Variants in TRPM3 observed in about 807,000 individuals in gnomAD.
TRPM3 encodes the protein transient receptor potential cation channel subfamily M member 3, also known as long transient receptor potential channel 3.
A neutral mutation model predicts 181.2 loss-of-function variants in TRPM3; 77 were observed. The ratio of observed to expected loss-of-function variants is 0.42; its 90% confidence interval spans 0.35 to 0.51. TRPM3 has a LOEUF of 0.51. TRPM3 is among the 20% of genes least tolerant of loss of function. TRPM3 has a pLI of 0.01. For missense variants in TRPM3, 1,759 were observed against 2,196.7 expected (o/e 0.80, Z 3.98); for synonymous variants, 745 against 796.4 (o/e 0.94, Z 1.09).
At chr9:71,132,735 G>C (rs772367682) in intron 1 of TRPM3, among the ~76,000 whole-genome samples, 1 of 151,966 alleles carries the variant, frequency 6.6e-6, no homozygotes, top group Non-Finnish European at 1.5e-5. Context: ...AATAACTGTT[G>C]ATGTAATTTT....
chr9:71,159,105 TAGAGAG>T (rs140356660), intron 1 of TRPM3, among the ~76,000 whole-genome samples: 105 of 144,176 alleles, frequency 7.3e-4, no homozygotes, highest in African/African-American at 1.6e-3. Context: ...TATATATATT[TAGAGAG>T]AGAGAGAGAG....
At chr9:71,096,592 T>C (rs486988) in intron 1 of TRPM3, among the ~76,000 whole-genome samples, 1 of 64,774 alleles carries the variant, frequency 1.5e-5, no homozygotes, top group Non-Finnish European at 3.0e-5. Flanking sequence ...ACACACACAC[T>C]CTCTCTCTCT....
chr9:70,590,113 C>T (rs1041514976), intron 22 of TRPM3, among the ~76,000 whole-genome samples: 1 of 152,200 alleles, frequency 6.6e-6, no homozygotes, highest in Admixed American at 6.5e-5. Flanking sequence ...ATTTCCAGAA[C>T]TAAACTCCTC....
chr9:71,140,894 C>T (rs971984183), intron 1 of TRPM3, among the ~76,000 whole-genome samples: 1 of 152,144 alleles, frequency 6.6e-6, no homozygotes, highest in East Asian at 1.9e-4. Flanking sequence ...CTGGCTCTGC[C>T]TGGGGAGACC....
In TRPM3 at chr9:70,536,903, C is replaced by T. The variant is rs754266950; in HGVS notation, c.4210G>A (p.Asp1404Asn). Residue 1404 changes from aspartate (D) to asparagine (N), a missense_variant, in exon 26 of 26, where the codon GAT becomes AAT. Asp to Asn is a conservative substitution (Grantham distance 23, BLOSUM62 1). Around this residue, in one of 8 missense-constraint regions of TRPM3, gnomAD observed 612 missense variants for 590.0 expected, o/e 1.04. Transcript: ENST00000677713. ...APANTLAIVPDSRRPSSCIDI... is the reference protein window; with the variant it reads ...APANTLAIVPNSRRPSSCIDI... Reference sequence around the variant, plus strand: ...ATACACGATGATGGTCTTCTGGAATCAGGAACAATGGCCAAGGTGTTGGCA... The same window carrying T: ...ATACACGATGATGGTCTTCTGGAATTAGGAACAATGGCCAAGGTGTTGGCA... The T allele has an allele frequency of 6.2e-7, 1 of 1,614,216 alleles. No individual in the cohort carries two copies. Among genetic ancestry groups the T allele is most frequent in the Non-Finnish European group, 8.5e-7 (1 of 1,180,050 alleles).
intron 1 of TRPM3, among the ~76,000 whole-genome samples, chr9:71,209,858 G>T (rs2079372823): frequency 6.6e-6 from 1 of 152,190 alleles, no homozygotes; most frequent in South Asian, 2.1e-4. Context: ...TCTGTCTATG[G>T]CTGCTTTTAC....
At chr9:71,315,464 T>A (rs1029687628) in intron 1 of TRPM3, among the ~76,000 whole-genome samples, 3 of 152,178 alleles carry the variant, frequency 2.0e-5, no homozygotes, top group African/African-American at 7.2e-5. Context: ...CACGAACTTA[T>A]CTTTCTACTC....
intron 12 of TRPM3, among the ~76,000 whole-genome samples, chr9:70,627,113 T>C (rs1197778711): frequency 6.6e-6 from 1 of 152,068 alleles, no homozygotes; most frequent in Non-Finnish European, 1.5e-5. Context: ...TTGTTAGTCA[T>C]CCCTGGTTGG....
At chr9:70,770,243 G>T (rs992149754) in intron 7 of TRPM3, among the ~76,000 whole-genome samples, 1 of 152,060 alleles carries the variant, frequency 6.6e-6, no homozygotes, top group South Asian at 2.1e-4. Flanking sequence ...ACATATATTT[G>T]GTTCTATTTC....
At chr9:71,295,906 A>C (rs552659973) in intron 1 of TRPM3, among the ~76,000 whole-genome samples, 3 of 152,092 alleles carry the variant, frequency 2.0e-5, no homozygotes, top group Admixed American at 2.0e-4. Context: ...GTTGGTCAAC[A>C]TAGTGACAGA....
rs561917310 is a variant in TRPM3 at position 71,197,504 on chromosome 9, C to A, written c.183+249149G>T. On this transcript the variant is annotated intron_variant, in intron 1 of 24. Coordinates refer to the TRPM3 transcript ENST00000357533. ...TCCCACCAACAGTGTAAAAGTGTTCCTATTTCTCCACATCCTCTCCAGCAC... is the reference window on the plus strand; with the variant it reads ...TCCCACCAACAGTGTAAAAGTGTTCATATTTCTCCACATCCTCTCCAGCAC... Among the ~76,000 whole-genome samples, 890 of 151,920 alleles carry A rather than the reference C, an allele frequency of 5.9e-3. 12 individuals carry two copies. Among genetic ancestry groups the A allele is most frequent in the African/African-American group, 0.021 (860 of 41,450 alleles).
At chr9:70,568,140 G>C (rs915931607) in intron 22 of TRPM3, among the ~76,000 whole-genome samples, 2 of 152,188 alleles carry the variant, frequency 1.3e-5, no homozygotes, top group East Asian at 1.9e-4. Context: ...AAGGTGTCTA[G>C]TGGAATAAAA....
chr9:71,064,287 T>C (rs970274528), intron 1 of TRPM3, among the ~76,000 whole-genome samples: 1 of 152,142 alleles, frequency 6.6e-6, no homozygotes, highest in East Asian at 1.9e-4. Context: ...GAAGTTGTTT[T>C]GAGTCTCTTG....
chr9:71,422,558 T>C (rs906905240), intron 1 of TRPM3, among the ~76,000 whole-genome samples: 23 of 152,082 alleles, frequency 1.5e-4, no homozygotes, highest in African/African-American at 4.8e-4. Flanking sequence ...AAATGTAGTT[T>C]GAAAATCACT....
intron 25 of TRPM3, among the ~76,000 whole-genome samples, chr9:70,540,421 A>G (rs1424153584): frequency 6.6e-6 from 1 of 152,206 alleles, no homozygotes; most frequent in African/African-American, 2.4e-5. Context: ...TCTCCTTGCC[A>G]TGGCCTGTGC....
chr9:70,631,452 C>T (rs1564632278), intron 12 of TRPM3, among the ~76,000 whole-genome samples: 2 of 151,126 alleles, frequency 1.3e-5, no homozygotes, highest in Non-Finnish European at 2.9e-5. Flanking sequence ...CCACTACTTC[C>T]ACATAACACT....
intron 1 of TRPM3, among the ~76,000 whole-genome samples, chr9:71,007,141 G>T (rs2097688440): frequency 6.8e-6 from 1 of 146,608 alleles, no homozygotes; most frequent in Non-Finnish European, 1.5e-5. Flanking sequence ...TGACAAAGGG[G>T]TTAATATAGC....
At chr9:71,370,517 A>G (rs994747107) in intron 1 of TRPM3, among the ~76,000 whole-genome samples, 2 of 152,228 alleles carry the variant, frequency 1.3e-5, no homozygotes, top group Admixed American at 1.3e-4. Flanking sequence ...CCCTTAGGCC[A>G]AAGCCTCATC....
intron 1 of TRPM3, among the ~76,000 whole-genome samples, chr9:71,312,316 G>A (rs1160402864): frequency 6.6e-6 from 1 of 152,130 alleles, no homozygotes; most frequent in African/African-American, 2.4e-5. Context: ...ATAATAAAAT[G>A]TCAGCAGAGA....
Sources: allele counts gnomAD v4.1 joint callset (sites outside exome capture counted in the v4.1 genomes callset), GRCh38; gene constraint gnomAD v4.1.1; regional missense constraint gnomAD v4.1.1; transcripts MANE v1.5; gene names NCBI Gene and HGNC (gene_info 2026-07-23, HGNC 2026-07-21).